SMYD3: variants seen among roughly 807,000 people sequenced by gnomAD.
SMYD3 encodes the protein SET and MYND domain containing 3, also known as histone-lysine N-methyltransferase SMYD3.
A neutral mutation model predicts 57.7 loss-of-function variants in SMYD3; 36 were observed. The ratio of observed to expected loss-of-function variants is 0.62; its 90% CI spans 0.48 to 0.82. The LOEUF (loss-of-function observed/expected upper bound fraction) is 0.82. Ranked by LOEUF, SMYD3 falls within the 40% of genes least tolerant of loss-of-function variation. The pLI is 0.00. For missense variants in SMYD3, 515 were observed against 538.8 expected (o/e 0.96, Z 0.44); for synonymous variants, 211 against 195.0 (o/e 1.08, Z -0.68).
chr1:245,798,419 CACACCCCCACACACAT>C (rs2047673540), intron 10 of SMYD3, among the ~76,000 whole-genome samples: 1 of 86,522 alleles, frequency 1.2e-5, no homozygotes, highest in African/African-American at 7.8e-5. Context: ...CACACACATA[CACACCCCCACACACAT>C]ACACACACAT....
At chr1:245,757,434 T>TC (rs1025452059) in intron 11 of SMYD3, among the ~76,000 whole-genome samples, 1 of 152,110 alleles carries the variant, frequency 6.6e-6, no homozygotes, top group Non-Finnish European at 1.5e-5. Context: ...TTTGGTGAAG[T>TC]CCAATTTGTT....
At chr1:246,258,263 C>T (rs976758907) in intron 5 of SMYD3, among the ~76,000 whole-genome samples, 2 of 152,076 alleles carry the variant, frequency 1.3e-5, no homozygotes, top group Non-Finnish European at 1.5e-5. Flanking sequence ...TCTCAAACTC[C>T]TGACCTCGTG....
chr1:246,466,365 T>C (rs2067880951), intron 1 of SMYD3, among the ~76,000 whole-genome samples: 1 of 152,190 alleles, frequency 6.6e-6, no homozygotes, highest in Non-Finnish European at 1.5e-5. Flanking sequence ...AACAAAATCA[T>C]GTCCTCAGCA....
chr1:246,174,941 T>A (rs537234162), intron 5 of SMYD3, among the ~76,000 whole-genome samples: 1 of 152,348 alleles, frequency 6.6e-6, no homozygotes, highest in South Asian at 2.1e-4. Context: ...TTACAATACT[T>A]TCTAAGGTCA....
At chr1:246,370,627 T>C (rs545472827) in intron 1 of SMYD3, among the ~76,000 whole-genome samples, 1 of 152,332 alleles carries the variant, frequency 6.6e-6, no homozygotes, top group African/African-American at 2.4e-5. Context: ...GCAAAGTATT[T>C]AGTGCAGAGT....
At chr1:246,303,338 G>A (rs1428042540) in intron 5 of SMYD3, among the ~76,000 whole-genome samples, 1 of 152,122 alleles carries the variant, frequency 6.6e-6, no homozygotes, top group Non-Finnish European at 1.5e-5. Flanking sequence ...GCTGTTTTAA[G>A]CCACTAAGAT....
chr1:246,404,462 T>C (rs1367889009), intron 1 of SMYD3, among the ~76,000 whole-genome samples: 2 of 152,204 alleles, frequency 1.3e-5, no homozygotes, highest in African/African-American at 4.8e-5. Flanking sequence ...CATGAAGACA[T>C]GGCCACGAGG....
chr1:246,174,200 T>C (rs1404153821), intron 5 of SMYD3, among the ~76,000 whole-genome samples: 1 of 152,200 alleles, frequency 6.6e-6, no homozygotes, highest in Non-Finnish European at 1.5e-5. Context: ...CAGTCATTTC[T>C]TATCACTATC....
At chr1:245,871,123 C>T (rs571340817) in intron 8 of SMYD3, among the ~76,000 whole-genome samples, 9 of 152,094 alleles carry the variant, frequency 5.9e-5, no homozygotes, top group East Asian at 1.9e-4. Context: ...ATGTCTTAAA[C>T]GGAAGAAAGG....
intron 5 of SMYD3, among the ~76,000 whole-genome samples, chr1:246,055,584 C>T (rs2060138172): frequency 6.6e-6 from 1 of 152,124 alleles, no homozygotes; most frequent in Non-Finnish European, 1.5e-5. Context: ...TCACAATAGC[C>T]AGAAGGTGGA....
chr1:246,374,442 C>G lies in SMYD3; in HGVS notation c.165-19348G>C, dbSNP rs543561372. Among the ~76,000 whole-genome samples, 44 of 152,308 alleles carry G rather than the reference C, an allele frequency of 2.9e-4. No homozygotes were observed. The South Asian group carries it at 8.9e-3, about 31-fold the overall frequency. Reference sequence around the variant, plus strand: ...GAAGACACTGCCTTCTCAGCTCTCACAGTGTAAGCGTCCTTTTTGCAGACC... The same window carrying G: ...GAAGACACTGCCTTCTCAGCTCTCAGAGTGTAAGCGTCCTTTTTGCAGACC... On this transcript the variant is annotated intron_variant, in intron 1 of 11. Transcript: ENST00000490107.
intron 10 of SMYD3, among the ~76,000 whole-genome samples, chr1:245,798,553 C>T (rs1228954496): frequency 6.7e-6 from 1 of 148,672 alleles, no homozygotes; most frequent in Non-Finnish European, 1.5e-5. Context: ...TTAATCTGCC[C>T]ACCCCAGAAC....
chr1:245,838,567 G>A (rs2050218504), intron 10 of SMYD3, among the ~76,000 whole-genome samples: 1 of 152,154 alleles, frequency 6.6e-6, no homozygotes, highest in Non-Finnish European at 1.5e-5. Context: ...CTAGGTTTAG[G>A]TGTTCTGATG....
intron 11 of SMYD3, among the ~76,000 whole-genome samples, chr1:245,750,625 G>C (rs545025679): frequency 2.0e-5 from 3 of 151,706 alleles, no homozygotes; most frequent in African/African-American, 7.2e-5. Context: ...ATTCAGTTTT[G>C]GGATGGTTAT....
intron 11 of SMYD3, among the ~76,000 whole-genome samples, chr1:245,761,137 A>C (rs1558308436): frequency 2.0e-5 from 3 of 152,218 alleles, no homozygotes; most frequent in Non-Finnish European, 2.9e-5. Flanking sequence ...TTGTAGAGAC[A>C]CACAGCAAGT....
intron 5 of SMYD3, among the ~76,000 whole-genome samples, chr1:246,238,101 T>C (rs1057196911): frequency 2.6e-5 from 4 of 152,204 alleles, no homozygotes; most frequent in African/African-American, 9.6e-5. Context: ...TCTGGCTCTG[T>C]TGACCAGGAT....
At chr1:246,316,651 G>A (rs1332135911) in intron 5 of SMYD3, among the ~76,000 whole-genome samples, 1 of 144,736 alleles carries the variant, frequency 6.9e-6, no homozygotes, top group Non-Finnish European at 1.5e-5. Context: ...AAAGTGCTGG[G>A]ATTACAGGCG....
chr1:246,492,401 G>A (rs1458521812), intron 1 of SMYD3, among the ~76,000 whole-genome samples: 2 of 152,136 alleles, frequency 1.3e-5, no homozygotes, highest in Admixed American at 6.5e-5. Context: ...AGAGAACGCC[G>A]ATGGCTCCTG....
At chr1:245,851,477 A>G (rs184239378) in intron 10 of SMYD3, among the ~76,000 whole-genome samples, 1 of 152,222 alleles carries the variant, frequency 6.6e-6, no homozygotes, top group Non-Finnish European at 1.5e-5. Flanking sequence ...AGTCCAAATG[A>G]TATCTCTTGC....
Sources: gnomAD v4.1 joint callset for allele counts (sites outside exome capture counted in the v4.1 genomes callset) on GRCh38, gnomAD v4.1.1 for gene constraint, MANE v1.5 for transcripts, NCBI Gene and HGNC (gene_info 2026-07-23, HGNC 2026-07-21) for gene names.